The following TSGA10 variants were observed in gnomAD, a reference collection of about 807,000 sequenced individuals.
The protein encoded by TSGA10 is testis-specific gene 10 protein.
In TSGA10, 43 loss-of-function variants were observed where a neutral mutation model predicts 96.6. The ratio of observed to expected loss-of-function variants is 0.44; its 90% CI spans 0.35 to 0.57. The LOEUF (loss-of-function observed/expected upper bound fraction) is 0.57, where lower values mean the gene tolerates loss of function less well. Ranked by LOEUF, TSGA10 falls within the 20% of genes least tolerant of loss-of-function variation. The probability of loss-of-function intolerance (pLI) is 0.01; values close to 1 mark genes in which losing one functional copy is unlikely to be tolerated. For synonymous variants in TSGA10, 229 were observed against 269.9 expected (o/e 0.85, Z 1.48); for missense variants, 703 against 834.4 (o/e 0.84, Z 1.94).
intron 1 of TSGA10, among the ~76,000 whole-genome samples, chr2:99,151,716 T>C (rs2093696130): frequency 6.6e-6 from 1 of 152,186 alleles, no homozygotes; most frequent in Non-Finnish European, 1.5e-5. Context: ...TCCCCCCACA[T>C]AGAATCCATT....
intron 17 of TSGA10, among the ~76,000 whole-genome samples, chr2:99,021,842 G>A (rs2080038632): frequency 6.6e-6 from 1 of 152,132 alleles, no homozygotes; most frequent in African/African-American, 2.4e-5. Flanking sequence ...GTTAGTTTGT[G>A]TTAATGAACA....
At chr2:99,130,454 C>T (rs2093023851) in intron 1 of TSGA10, among the ~76,000 whole-genome samples, 1 of 152,016 alleles carries the variant, frequency 6.6e-6, no homozygotes. Flanking sequence ...TATCCTTTGC[C>T]CACTTTTTGA....
intron 16 of TSGA10, among the ~76,000 whole-genome samples, chr2:99,042,187 C>T (rs966233057): frequency 2.6e-5 from 4 of 151,986 alleles, no homozygotes; most frequent in East Asian, 1.9e-4. Context: ...TTGAGTCACT[C>T]GCTTTGTGAG....
intron 10 of TSGA10, among the ~76,000 whole-genome samples, chr2:99,094,261 A>C (rs2089735961): frequency 1.3e-5 from 2 of 152,204 alleles, no homozygotes; most frequent in Admixed American, 1.3e-4. Context: ...CTCAAGATGG[A>C]TCAAGCACTT....
intron 20 of TSGA10, among the ~76,000 whole-genome samples, chr2:99,007,407 A>C (rs1052909406): frequency 3.3e-5 from 5 of 152,234 alleles, no homozygotes; most frequent in African/African-American, 1.2e-4. Flanking sequence ...TACTCAAAAA[A>C]GTTAAAAATA....
At chr2:99,138,455 A>T (rs989556391) in intron 1 of TSGA10, among the ~76,000 whole-genome samples, 2 of 152,264 alleles carry the variant, frequency 1.3e-5, no homozygotes, top group Non-Finnish European at 2.9e-5. Flanking sequence ...AAAAGTGCCC[A>T]GCACAAAGGT....
At position 99,081,189 on chromosome 2, in the gene TSGA10, A is replaced by C. The variant is rs535357936; in HGVS notation, c.727+93T>G. The C allele has an allele frequency of 5.0e-6, 3 of 601,796 alleles. No individual in the cohort carries two copies. The South Asian group carries it at 1.2e-4, about 24-fold the overall frequency. The allele number at this position is 601,796 out of a possible 1,614,324, so 37.3% of individuals were successfully genotyped here. A position where few individuals can be genotyped will look rare whatever the true frequency, so the allele number is the denominator to read the frequency against. Reference sequence around the variant, plus strand: ...TAAACTTAGTTAAGGGCTTGTTTCCAAGTTTTTCTATGTTATACTGAAGAG... The same window carrying C: ...TAAACTTAGTTAAGGGCTTGTTTCCCAGTTTTTCTATGTTATACTGAAGAG... On this transcript the variant is annotated intron_variant, in intron 11 of 20. Transcript: ENST00000393483.
chr2:99,070,877 T>C (rs748602905), intron 14 of TSGA10, among the ~76,000 whole-genome samples: 1 of 152,182 alleles, frequency 6.6e-6, no homozygotes, highest in Non-Finnish European at 1.5e-5. Flanking sequence ...AATAAGCCAA[T>C]ATTGACACAT....
At chr2:99,012,302 T>C (rs1336811359) in intron 20 of TSGA10, among the ~76,000 whole-genome samples, 3 of 152,074 alleles carry the variant, frequency 2.0e-5, no homozygotes, top group African/African-American at 7.2e-5. Flanking sequence ...AGGCAACAAC[T>C]AATGTGATGA....
intron 17 of TSGA10, among the ~76,000 whole-genome samples, chr2:99,023,323 T>TAAGAG (rs1210713128): frequency 1.3e-5 from 2 of 152,166 alleles, no homozygotes; most frequent in Non-Finnish European, 2.9e-5. Flanking sequence ...TCTTATCAGA[T>TAAGAG]ATATGGTTTG....
intron 20 of TSGA10, among the ~76,000 whole-genome samples, chr2:98,999,889 C>T (rs928082865): frequency 3.3e-5 from 5 of 152,174 alleles, no homozygotes; most frequent in African/African-American, 1.2e-4. Flanking sequence ...GCTAGAAATA[C>T]AGGCACGTGC....
intron 17 of TSGA10, among the ~76,000 whole-genome samples, chr2:99,029,874 A>G (rs1302958344): frequency 1.3e-5 from 2 of 152,234 alleles, no homozygotes; most frequent in African/African-American, 4.8e-5. Context: ...CACCGTGCTT[A>G]AGTACGAAAC....
chr2:99,012,597 A>G (rs1318687818), intron 20 of TSGA10, among the ~76,000 whole-genome samples: 1 of 152,214 alleles, frequency 6.6e-6, no homozygotes, highest in East Asian at 1.9e-4. Flanking sequence ...GACATTATAT[A>G]ATGATAAAAG....
chr2:99,063,186 G>A (rs375480824), intron 16 of TSGA10, among the ~76,000 whole-genome samples: 2 of 152,146 alleles, frequency 1.3e-5, no homozygotes, highest in African/African-American at 4.8e-5. Flanking sequence ...TGTCTACTTC[G>A]AACTGCACAA....
intron 16 of TSGA10, among the ~76,000 whole-genome samples, chr2:99,062,663 A>C (rs1391227959): frequency 1.3e-5 from 2 of 152,166 alleles, no homozygotes; most frequent in Admixed American, 6.5e-5. Context: ...TGTGCCCAGG[A>C]ATTGGAGGCT....
chr2:99,094,650 A>C (rs2089808880), intron 10 of TSGA10, among the ~76,000 whole-genome samples: 1 of 152,262 alleles, frequency 6.6e-6, no homozygotes, highest in African/African-American at 2.4e-5. Flanking sequence ...AAATTAAAAA[A>C]TGCTCAACAT....
intron 10 of TSGA10, among the ~76,000 whole-genome samples, chr2:99,096,821 T>A (rs2104735127): frequency 6.6e-6 from 1 of 152,366 alleles, no homozygotes; most frequent in South Asian, 2.1e-4. Flanking sequence ...TGGTCATGAT[T>A]TATATCTGTT....
rs1424350645 is a variant in TSGA10, at chr2:99,105,612, C to T, written c.296G>A (p.Arg99Gln). The T allele has an allele frequency of 1.1e-5, 18 of 1,610,172 alleles. No individual in the cohort carries two copies. The highest frequency in any genetic ancestry group is 1.3e-5 in the African/African-American group (1 of 74,868). Residue 99 changes from arginine (R) to glutamine (Q), a missense_variant, in exon 8 of 21, where the codon CGG becomes CAG. This residue lies in a region of TSGA10 where 585 missense variants were observed against 656.8 expected (regional missense o/e 0.89). Coordinates refer to ENST00000393483, the MANE Select transcript of TSGA10 (RefSeq NM_025244.4). ...PKSTTAHAIL[R>Q]RVETERDVAF... ...TACATCTCTTTCAGTCTCCACTCGCCGGAGAATAGCATGTGCCGTTGTTGA... is the reference window on the plus strand; with the variant it reads ...TACATCTCTTTCAGTCTCCACTCGCTGGAGAATAGCATGTGCCGTTGTTGA...
intron 20 of TSGA10, among the ~76,000 whole-genome samples, chr2:99,003,130 T>G (rs2078097905): frequency 6.6e-6 from 1 of 152,180 alleles, no homozygotes; most frequent in Non-Finnish European, 1.5e-5. Context: ...GTGCTGGGAT[T>G]ATAGGCGTAA....
Sources: allele counts gnomAD v4.1 joint callset (sites outside exome capture counted in the v4.1 genomes callset), GRCh38; gene constraint gnomAD v4.1.1; regional missense constraint gnomAD v4.1.1; transcripts MANE v1.5; gene names NCBI Gene and HGNC (gene_info 2026-07-23, HGNC 2026-07-21).